The following COMMD10 variants were observed in gnomAD, a reference collection of about 807,000 sequenced individuals.
COMMD10 encodes COMM domain-containing protein 10.
Under a neutral mutation model 28.9 loss-of-function variants are expected in COMMD10, and 33 were observed. The observed-to-expected ratio is 1.14, with a 90% CI of 0.87 to 1.53. COMMD10 has a LOEUF of 1.53. Ranked by LOEUF, COMMD10 falls within the 40% of genes most tolerant of loss-of-function variation. COMMD10 has a pLI of 0.00. For missense variants in COMMD10, 310 were observed against 233.4 expected (o/e 1.33, Z -2.14); for synonymous variants, 110 against 81.7 (o/e 1.35, Z -1.87).
chr5:116,109,407 A>G (rs1386990383), intron 4 of COMMD10, among the ~76,000 whole-genome samples: 1 of 152,178 alleles, frequency 6.6e-6, no homozygotes, highest in Non-Finnish European at 1.5e-5. Context: ...CAGCCTGGCC[A>G]ATATGGTGAA....
At chr5:116,212,981 C>G (rs140333675) in intron 5 of COMMD10, among the ~76,000 whole-genome samples, 2 of 151,908 alleles carry the variant, frequency 1.3e-5, no homozygotes, top group African/African-American at 4.8e-5. Context: ...TATCTTTTGT[C>G]TCTGTAAATT....
At chr5:116,214,487 T>C (rs1749049116) in intron 5 of COMMD10, among the ~76,000 whole-genome samples, 1 of 152,162 alleles carries the variant, frequency 6.6e-6, no homozygotes, top group Non-Finnish European at 1.5e-5. Context: ...ACAGGCACTT[T>C]TACATATTAC....
At chr5:116,163,812 G>A (rs1394698121) in intron 5 of COMMD10, among the ~76,000 whole-genome samples, 1 of 152,076 alleles carries the variant, frequency 6.6e-6, no homozygotes, top group Non-Finnish European at 1.5e-5. Flanking sequence ...GAAATTATAT[G>A]TCTTTTTTAA....
At chr5:116,211,422 T>C (rs986526701) in intron 5 of COMMD10, among the ~76,000 whole-genome samples, 4 of 152,150 alleles carry the variant, frequency 2.6e-5, no homozygotes, top group Non-Finnish European at 5.9e-5. Flanking sequence ...AGTATTTGTA[T>C]ATTTAAACAT....
At chr5:116,222,298 T>G (rs972100389) in intron 5 of COMMD10, among the ~76,000 whole-genome samples, 1 of 152,220 alleles carries the variant, frequency 6.6e-6, no homozygotes. Context: ...TTTTGACTAT[T>G]GGAATTAAAT....
intron 5 of COMMD10, among the ~76,000 whole-genome samples, chr5:116,207,861 A>G (rs1223186431): frequency 2.6e-5 from 4 of 152,004 alleles, no homozygotes; most frequent in African/African-American, 9.7e-5. Flanking sequence ...AACCTTTAAC[A>G]TTGCCTCCCA....
At chr5:116,103,223 T>C (rs1041651533) in intron 4 of COMMD10, among the ~76,000 whole-genome samples, 3 of 152,250 alleles carry the variant, frequency 2.0e-5, no homozygotes, top group African/African-American at 7.2e-5. Flanking sequence ...TTTATAGTTC[T>C]AGATCCTTGA....
chr5:116,125,407 A>G (rs954760214), intron 4 of COMMD10, among the ~76,000 whole-genome samples: 5 of 152,106 alleles, frequency 3.3e-5, no homozygotes, highest in African/African-American at 4.8e-5. Flanking sequence ...TAGAGTTTCT[A>G]CTGAGAGATG....
intron 5 of COMMD10, among the ~76,000 whole-genome samples, chr5:116,136,741 G>A (rs1329512004): frequency 6.6e-6 from 1 of 152,094 alleles, no homozygotes; most frequent in Non-Finnish European, 1.5e-5. Context: ...TTCTGTGTTT[G>A]TATTTTGAGA....
At chr5:116,202,305 T>A (rs920591763) in intron 5 of COMMD10, among the ~76,000 whole-genome samples, 2 of 151,726 alleles carry the variant, frequency 1.3e-5, no homozygotes, top group Non-Finnish European at 2.9e-5. Flanking sequence ...TTTGGGTTGG[T>A]TCCAAGTCTT....
intron 5 of COMMD10, among the ~76,000 whole-genome samples, chr5:116,263,874 C>CTTGG (rs1208425028): frequency 6.6e-6 from 1 of 151,762 alleles, no homozygotes; most frequent in Non-Finnish European, 1.5e-5. Context: ...CCCCGACCAC[C>CTTGG]TTGGGCACAT....
At chr5:116,193,056 G>A (rs182732737) in intron 5 of COMMD10, among the ~76,000 whole-genome samples, 76 of 152,292 alleles carry the variant, frequency 5.0e-4, no homozygotes, top group African/African-American at 1.6e-3. Context: ...TGTATCCAGC[G>A]AAGCTAAGCA....
intron 5 of COMMD10, among the ~76,000 whole-genome samples, chr5:116,262,975 G>A (rs1031517554): frequency 6.6e-6 from 1 of 151,714 alleles, no homozygotes; most frequent in Admixed American, 6.6e-5. Flanking sequence ...CTTACAAAGG[G>A]AAAACATGAA....
intron 5 of COMMD10, among the ~76,000 whole-genome samples, chr5:116,233,693 A>G (rs1422859990): frequency 1.3e-5 from 2 of 152,158 alleles, no homozygotes; most frequent in African/African-American, 4.8e-5. Context: ...ATTCCAGGTA[A>G]AGAAATCAGC....
At chr5:116,119,895 C>T (rs1023655639) in intron 4 of COMMD10, among the ~76,000 whole-genome samples, 8 of 152,080 alleles carry the variant, frequency 5.3e-5, no homozygotes, top group East Asian at 1.9e-4. Context: ...GCTAGGATTA[C>T]GGGTGTGAGT....
At chr5:116,252,499 G>T (rs10478295) in intron 5 of COMMD10, among the ~76,000 whole-genome samples, 1,891 of 101,414 alleles carry the variant, frequency 0.019, 31 homozygotes, top group Middle Eastern at 0.035. Context: ...AAGGGATCCA[G>T]TTTCAGCTTT....
intron 5 of COMMD10, among the ~76,000 whole-genome samples, chr5:116,185,769 C>A (rs7702152): frequency 0.32 from 48,910 of 151,932 alleles, 11,149 homozygotes; most frequent in African/African-American, 0.65. Context: ...ACAAATACAT[C>A]TTGCCTCTGA....
intron 5 of COMMD10, among the ~76,000 whole-genome samples, chr5:116,202,600 T>C (rs1339510226): frequency 6.6e-6 from 1 of 152,020 alleles, no homozygotes; most frequent in Non-Finnish European, 1.5e-5. Context: ...AGATGGTATC[T>C]CATTGTGGTT....
At chr5:116,206,562 G>T (rs1347651922) in intron 5 of COMMD10, among the ~76,000 whole-genome samples, 3 of 152,124 alleles carry the variant, frequency 2.0e-5, no homozygotes, top group African/African-American at 4.8e-5. Flanking sequence ...TGAGGCAGGA[G>T]AATTGCTTGA....
Sources: gnomAD v4.1 joint callset for allele counts (sites outside exome capture counted in the v4.1 genomes callset) on GRCh38, gnomAD v4.1.1 for gene constraint, MANE v1.5 for transcripts, NCBI Gene and HGNC (gene_info 2026-07-23, HGNC 2026-07-21) for gene names.